The following ETV4 variants were observed in gnomAD, a reference collection of about 807,000 sequenced individuals.
The protein encoded by ETV4 is ETS variant transcription factor 4.
A neutral mutation model predicts 65.9 loss-of-function variants in ETV4; 42 were observed. The ratio of observed to expected loss-of-function variants is 0.64; its 90% CI spans 0.50 to 0.82. The LOEUF (loss-of-function observed/expected upper bound fraction) is 0.82, where lower values mean the gene tolerates loss of function less well. Among genes scored for constraint, ETV4 ranks in the 40% least tolerant of loss-of-function variants. The pLI is 0.00. For synonymous variants in ETV4, 238 were observed against 260.0 expected, an observed-to-expected ratio of 0.92 and a Z score of 0.81; for missense variants, 583 against 630.3, an observed-to-expected ratio of 0.92 and a Z score of 0.80.
chr17:43,537,548 TAGTC>T lies in ETV4; in HGVS notation c.203-1073_203-1070del, dbSNP rs1022429082. ...CATCTCTACTAAAAAATTAAAAAAT[TAGTC>T]AGGCGTGGCGGTGGGCACCTGTAAT... is the stretch of plus-strand genomic sequence containing the variant. On this transcript the variant is annotated intron_variant, in intron 4 of 12. Coordinates refer to ENST00000319349, the MANE Select transcript of ETV4 (RefSeq NM_001079675.5). Among the ~76,000 whole-genome samples, 5 of 149,492 alleles carry T rather than the reference TAGTC, an allele frequency of 3.3e-5. No individual in the cohort carries two copies. In the South Asian group the frequency reaches 8.5e-4, roughly 25 times the overall value.
Position 43,529,208 on chromosome 17 carries a change from T to C in ETV4, c.1157A>G (p.Asn386Ser), listed in dbSNP as rs2154587029. Residue 386 changes from asparagine to serine, a missense_variant, in exon 12 of 13, where the codon AAC (asparagine) becomes AGC (serine). Asn to Ser is a conservative substitution (Grantham distance 46, BLOSUM62 1). Transcript: ENST00000319349. ...EVARLWGIQK[N>S]RPAMNYDKLS... ...CTTGTCGTAATTCATGGCTGGCCGGTTCTTCTGGATGCCCCAGAGCCTGGC... is the reference window on the plus strand; with the variant it reads ...CTTGTCGTAATTCATGGCTGGCCGGCTCTTCTGGATGCCCCAGAGCCTGGC... The C allele has an allele frequency of 6.2e-7, 1 of 1,613,920 alleles. No individual in the cohort carries two copies. Among genetic ancestry groups the C allele is most frequent in the African/African-American group, 1.3e-5 (1 of 74,948 alleles).
intron 4 of ETV4, among the ~76,000 whole-genome samples, chr17:43,538,551 A>G (rs1971360103): frequency 6.6e-6 from 1 of 152,172 alleles, no homozygotes; most frequent in South Asian, 2.1e-4. Context: ...CAGCTCATCC[A>G]TGGCTTCTAA....
intron 4 of ETV4, among the ~76,000 whole-genome samples, chr17:43,542,825 G>A (rs1971590209): frequency 6.6e-6 from 1 of 152,022 alleles, no homozygotes; most frequent in African/African-American, 2.4e-5. Context: ...CTTCAAATTG[G>A]GGCTTTGGAA....
At chr17:43,533,033 A>G (rs1750085174) in intron 7 of ETV4, 94 bp from the exon 8 acceptor site, 3 of 1,503,844 alleles carry the variant, frequency 2.0e-6, no homozygotes, top group Non-Finnish European at 2.7e-6. Flanking sequence ...TGGGCTCCGG[A>G]ATGGGGGGTA....
At chr17:43,543,824 A>G (rs923392353) in intron 4 of ETV4, 1 of 152,200 alleles carries the variant, frequency 6.6e-6, no homozygotes, top group African/African-American at 2.4e-5. Context: ...CTCTATGCTA[A>G]ATAGTCATTC....
In ETV4 at chr17:43,529,588, C is replaced by T; in HGVS notation, c.1044G>A (p.Val348=). ...RGALQLWQFL[V]ALLDDPTNAH... The stretch of plus-strand genomic sequence containing the variant: ...CATTTGTTGGGTCATCCAGCAAGGC[C>T]ACCAGAAATTGCCACAGCTGCAGGG... Residue 348 remains valine, a synonymous_variant, in exon 11 of 13, where the codon GTG becomes GTA. Coordinates refer to ENST00000319349, the MANE Select transcript of ETV4 (RefSeq NM_001079675.5). 1.2e-6 allele frequency: 2 copies of T among 1,614,114 alleles called. No homozygotes were observed. Among genetic ancestry groups the T allele is most frequent in the Non-Finnish European group, 1.7e-6 (2 of 1,180,028 alleles).
At chr17:43,536,593 A>T (rs1339712235) in intron 4 of ETV4, 114 bp from the exon 5 acceptor site, 1 of 815,464 alleles carries the variant, frequency 1.2e-6, no homozygotes, top group African/African-American at 1.7e-5. Flanking sequence ...AACAGCCTTT[A>T]GATCAGGGGT....
rs987168066 is a variant in ETV4, at chr17:43,529,172, G to A, written c.1193C>T (p.Ser398Leu). The part of the protein sequence containing the change: ...PAMNYDKLSR[S>L]LRYYYEKGIM... ...GCCTTTCTCATAATAGTATCGGAGC[G>A]AGCGGCTCAGCTTGTCGTAATTCAT... The change falls in exon 12 of 13, where the codon TCG (serine) becomes TTG (leucine). Residue 398 changes from serine (S) to leucine (L), a missense_variant. Transcript: ENST00000319349. 8 of 1,613,936 alleles carry A rather than the reference G, an allele frequency of 5.0e-6. No individual in the cohort carries two copies. Among genetic ancestry groups the A allele is most frequent in the Non-Finnish European group, 6.8e-6 (8 of 1,180,004 alleles).
chr17:43,536,589 C>T (rs940437795), intron 4 of ETV4, 110 bp from the exon 5 acceptor site: 17 of 888,104 alleles, frequency 1.9e-5, no homozygotes, highest in Non-Finnish European at 3.2e-5. Flanking sequence ...GACCAACAGC[C>T]TTTAGATCAG....
At position 43,529,143 on chromosome 17, in the gene ETV4, T is replaced by C. The variant is rs1413947362; in HGVS notation, c.1222A>G (p.Met408Val). The C allele has an allele frequency of 2.6e-5, 42 of 1,614,004 alleles. No homozygotes were observed. The highest frequency in any genetic ancestry group is 3.4e-5 in the Non-Finnish European group (40 of 1,179,998). Reference protein sequence around the residue: ...SLRYYYEKGIMQKVAGERYVY... With the variant: ...SLRYYYEKGIVQKVAGERYVY... ...AGACCCACAGCCCCCACCTTCTGCATGATGCCTTTCTCATAATAGTATCGG... is the reference window on the plus strand; with the variant it reads ...AGACCCACAGCCCCCACCTTCTGCACGATGCCTTTCTCATAATAGTATCGG... Residue 408 changes from methionine to valine, a missense_variant, in exon 12 of 13, where the codon ATG becomes GTG. Coordinates refer to ENST00000319349, the MANE Select transcript of ETV4 (RefSeq NM_001079675.5).
At chr17:43,538,505 G>A (rs1283238019) in intron 4 of ETV4, among the ~76,000 whole-genome samples, 2 of 152,136 alleles carry the variant, frequency 1.3e-5, no homozygotes, top group African/African-American at 2.4e-5. Flanking sequence ...GGTGGAGCTG[G>A]GTTGGGGAAT....
Position 43,533,357 on chromosome 17 carries a change from GAGA to G in ETV4, c.384-12_384-10del, listed in dbSNP as rs772073818. 3.1e-6 allele frequency: 5 copies of G among 1,610,616 alleles called. No individual in the cohort carries two copies. Among genetic ancestry groups the G allele is most frequent in the East Asian group, 2.2e-5 (1 of 44,794 alleles). On this transcript the variant is annotated splice_polypyrimidine_tract_variant and intron_variant, in intron 6 of 12. Transcript: ENST00000319349. Reference sequence around the variant, plus strand: ...TGGGGGGGTCATAGGCACTGGAGTTGAGAAGGAGACAGGGGTGAGGGGGCAGAG... The same window carrying G: ...TGGGGGGGTCATAGGCACTGGAGTTGAGGAGACAGGGGTGAGGGGGCAGAG...
At chr17:43,529,723 C>G (rs769744536) in intron 10 of ETV4, 47 bp from the exon 11 acceptor site, 12 of 1,590,568 alleles carry the variant, frequency 7.5e-6, no homozygotes, top group Non-Finnish European at 1.0e-5. Flanking sequence ...TCTTTTGGTC[C>G]CCCAAGCAAC....
In ETV4 at chr17:43,545,934, CGTGTGTGTGTGTGTGTGTGTGTGTGT is replaced by C. The variant is rs531139204; in HGVS notation, c.-52+225_-52+250del. ...TTACCCGGGCTCGGTTACATAAGAA[CGTGTGTGTGTGTGTGTGTGTGTGTGT>C]GTGTGTGTGTGTGTGTGTGTACGCG... On this transcript the variant is annotated intron_variant, in intron 1 of 12. Coordinates refer to ENST00000319349, the MANE Select transcript of ETV4 (RefSeq NM_001079675.5). 4 of 263,300 alleles carry C rather than the reference CGTGTGTGTGTGTGTGTGTGTGTGTGT, an allele frequency of 1.5e-5. 1 individual carries two copies. Among genetic ancestry groups the C allele is most frequent in the South Asian group, 7.2e-5 (2 of 27,884 alleles). The allele number at this position is 263,300 out of a possible 1,614,324, so 16.3% of individuals were successfully genotyped here.
At chr17:43,540,100 G>A (rs769187923) in intron 4 of ETV4, among the ~76,000 whole-genome samples, 13 of 152,098 alleles carry the variant, frequency 8.5e-5, no homozygotes, top group Non-Finnish European at 1.8e-4. Context: ...GCACAAACAC[G>A]GCAAAAAGAC....
chr17:43,542,311 G>A (rs1971565432), intron 4 of ETV4, among the ~76,000 whole-genome samples: 1 of 151,980 alleles, frequency 6.6e-6, no homozygotes, highest in Non-Finnish European at 1.5e-5. Context: ...CTATCCATAG[G>A]GCTTCTGGGA....
intron 4 of ETV4, among the ~76,000 whole-genome samples, chr17:43,541,309 C>CGTCTTAAGT (rs1971509581): frequency 6.6e-6 from 1 of 152,094 alleles, no homozygotes. Context: ...TACCATGTTT[C>CGTCTTAAGT]GTCTTAAGTG....
Position 43,528,370 on chromosome 17 carries a change from CAG to C in ETV4, c.*147_*148del, listed in dbSNP as rs1970689457. ...TTCCCAATGACTCCGGTGAGCAGCT[CAG>C]AGTCTGGGCTAGGGCAACTGGTAGG... On this transcript the variant is annotated 3_prime_UTR_variant, in exon 13 of 13. Transcript: ENST00000319349. The C allele has an allele frequency of 6.9e-6, 4 of 578,340 alleles. No homozygotes were observed. Among genetic ancestry groups the C allele is most frequent in the South Asian group, 5.0e-5 (2 of 39,772 alleles). 35.8% of individuals were successfully genotyped at this position (578,340 alleles called of 1,614,324 possible).
intron 4 of ETV4, among the ~76,000 whole-genome samples, chr17:43,536,917 T>C (rs1056014026): frequency 3.9e-5 from 6 of 152,252 alleles, no homozygotes; most frequent in African/African-American, 1.4e-4. Flanking sequence ...GATTCCAGTC[T>C]TTCTTCTTCT....
Sources: allele counts gnomAD v4.1 joint callset (sites outside exome capture counted in the v4.1 genomes callset), GRCh38; gene constraint gnomAD v4.1.1; transcripts MANE v1.5; gene names NCBI Gene and HGNC (gene_info 2026-07-23, HGNC 2026-07-21).